IGFBP7: variants seen among roughly 807,000 people sequenced by gnomAD.
The protein encoded by IGFBP7 is insulin-like growth factor-binding protein 7.
In IGFBP7, 31 loss-of-function variants were observed where a neutral mutation model predicts 29.4. That is an observed-to-expected ratio of 1.05 (90% CI 0.79 to 1.42). The LOEUF (loss-of-function observed/expected upper bound fraction) is 1.42, where lower values mean the gene tolerates loss of function less well. Among genes scored for constraint, IGFBP7 ranks in the 40% most tolerant of loss-of-function variants. The pLI is 0.00. For missense variants in IGFBP7, 393 were observed against 395.5 expected (o/e 0.99, Z 0.05); for synonymous variants, 172 against 174.9 (o/e 0.98, Z 0.13).
chr4:57,100,075 T>TTC lies in IGFBP7; in HGVS notation c.475+9801_475+9802insGA, dbSNP rs1288057753. ...TTATTTCTTTTTCTTTTCTTTCTTT[T>TTC]TTTTTTTTTTTTTGAGACAGCGTCT... On this transcript the variant is annotated intron_variant, in intron 1 of 4. Coordinates refer to ENST00000295666, the MANE Select transcript of IGFBP7 (RefSeq NM_001553.3). 3.6e-5 allele frequency among the ~76,000 whole-genome samples: 5 copies of TTC among 139,496 alleles called. No individual in the cohort carries two copies. In the East Asian group the frequency reaches 8.3e-4, roughly 23 times the overall value. 91.5% of individuals were successfully genotyped at this position (139,496 alleles called of 152,430 possible). A position where few individuals can be genotyped will look rare whatever the true frequency, so the allele number is the denominator to read the frequency against.
chr4:57,103,884 C>T (rs527880233), intron 1 of IGFBP7, among the ~76,000 whole-genome samples: 3 of 151,820 alleles, frequency 2.0e-5, no homozygotes, highest in South Asian at 2.1e-4. Context: ...TGGCAATTTT[C>T]AGGTATATAA....
intron 1 of IGFBP7, among the ~76,000 whole-genome samples, chr4:57,109,164 G>C (rs1726107373): frequency 6.6e-6 from 1 of 152,094 alleles, no homozygotes; most frequent in Non-Finnish European, 1.5e-5. Flanking sequence ...GGCTGTGCAC[G>C]GTGGTTTATG....
intron 1 of IGFBP7, among the ~76,000 whole-genome samples, chr4:57,041,265 T>C (rs770623263): frequency 6.6e-6 from 1 of 152,228 alleles, no homozygotes; most frequent in South Asian, 2.1e-4. Context: ...AAAATTTTAG[T>C]TCCAAAATGT....
chr4:57,034,291 T>C (rs1300411256), intron 2 of IGFBP7, among the ~76,000 whole-genome samples: 1 of 152,052 alleles, frequency 6.6e-6, no homozygotes, highest in African/African-American at 2.4e-5. Context: ...CCTCGATACA[T>C]ATACATTTAG....
chr4:57,044,350 T>C (rs1015045949), intron 1 of IGFBP7, among the ~76,000 whole-genome samples: 10 of 152,346 alleles, frequency 6.6e-5, no homozygotes, highest in African/African-American at 2.4e-4. Context: ...CAGATGTTCT[T>C]AGTTTTAGTA....
At chr4:57,100,691 T>C (rs898174995) in intron 1 of IGFBP7, among the ~76,000 whole-genome samples, 1 of 152,218 alleles carries the variant, frequency 6.6e-6, no homozygotes, top group Non-Finnish European at 1.5e-5. Context: ...CCTAAAACTT[T>C]TTCACACCCA....
At chr4:57,099,688 A>G (rs2109802833) in intron 1 of IGFBP7, among the ~76,000 whole-genome samples, 1 of 152,322 alleles carries the variant, frequency 6.6e-6, no homozygotes, top group East Asian at 1.9e-4. Context: ...ACACTCGCTG[A>G]TCCTTCAAGA....
At chr4:57,076,972 G>T (rs1347933261) in intron 1 of IGFBP7, among the ~76,000 whole-genome samples, 1 of 152,086 alleles carries the variant, frequency 6.6e-6, no homozygotes, top group East Asian at 1.9e-4. Context: ...TCAAATGATG[G>T]CTTGATTCCA....
intron 1 of IGFBP7, among the ~76,000 whole-genome samples, chr4:57,070,642 A>G (rs1725031931): frequency 4.6e-5 from 7 of 152,220 alleles, no homozygotes; most frequent in Admixed American, 3.9e-4. Flanking sequence ...AAGGCTCTCA[A>G]TCTCTTACTG....
intron 1 of IGFBP7, among the ~76,000 whole-genome samples, chr4:57,092,970 C>T (rs1384097546): frequency 6.6e-6 from 1 of 151,840 alleles, no homozygotes. Flanking sequence ...GATATAAATA[C>T]ATATGGTTAG....
At chr4:57,045,442 C>T (rs1045876780) in intron 1 of IGFBP7, among the ~76,000 whole-genome samples, 4 of 152,200 alleles carry the variant, frequency 2.6e-5, no homozygotes, top group African/African-American at 4.8e-5. Flanking sequence ...AATAAGGCTA[C>T]AGAACGGCCT....
chr4:57,069,324 C>T (rs1010908407), intron 1 of IGFBP7, among the ~76,000 whole-genome samples: 3 of 152,148 alleles, frequency 2.0e-5, no homozygotes, highest in Non-Finnish European at 2.9e-5. Flanking sequence ...GGTGATGGCT[C>T]ATGCCTATAA....
At chr4:57,038,317 G>A (rs1248172815) in intron 2 of IGFBP7, among the ~76,000 whole-genome samples, 1 of 152,226 alleles carries the variant, frequency 6.6e-6, no homozygotes, top group Non-Finnish European at 1.5e-5. Flanking sequence ...TGTGAGTGGA[G>A]TTGATATCTC....
At chr4:57,068,363 A>C (rs1000238591) in intron 1 of IGFBP7, among the ~76,000 whole-genome samples, 1 of 152,116 alleles carries the variant, frequency 6.6e-6, no homozygotes, top group Non-Finnish European at 1.5e-5. Flanking sequence ...AAGGACTGAC[A>C]TCATCAGTTT....
intron 2 of IGFBP7, among the ~76,000 whole-genome samples, chr4:57,040,049 A>AT (rs1320526694): frequency 6.6e-6 from 1 of 151,924 alleles, no homozygotes; most frequent in Admixed American, 6.6e-5. Context: ...GAAAGGAGAC[A>AT]TTTTTTTCTT....
intron 1 of IGFBP7, among the ~76,000 whole-genome samples, chr4:57,088,308 T>C (rs370061825): frequency 6.6e-6 from 1 of 152,168 alleles, no homozygotes; most frequent in African/African-American, 2.4e-5. Context: ...TATTGCTGTA[T>C]CTGAAAAGCA....
At chr4:57,091,297 C>A (rs960145234) in intron 1 of IGFBP7, among the ~76,000 whole-genome samples, 1 of 152,178 alleles carries the variant, frequency 6.6e-6, no homozygotes, top group Non-Finnish European at 1.5e-5. Flanking sequence ...AATGGAAGAA[C>A]CATGAATGAA....
chr4:57,031,205 A>G lies in IGFBP7; in HGVS notation c.*112T>C, dbSNP rs946347369. 1.1e-6 allele frequency: 1 copy of G among 916,964 alleles called. No individual in the cohort carries two copies. The highest frequency in any genetic ancestry group is 1.8e-6 in the Non-Finnish European group (1 of 564,618). 56.8% of individuals were successfully genotyped at this position (916,964 alleles called of 1,614,324 possible). On this transcript the variant is annotated 3_prime_UTR_variant, in exon 5 of 5. Coordinates refer to ENST00000295666, the MANE Select transcript of IGFBP7 (RefSeq NM_001553.3). ...GTATTTCTCTGTGTAAAACCAGTGA[A>G]TATAACTAAAGTGTTAGTGGATTGG...
intron 1 of IGFBP7, among the ~76,000 whole-genome samples, chr4:57,093,044 A>G (rs1725676826): frequency 6.6e-6 from 1 of 152,188 alleles, no homozygotes; most frequent in Admixed American, 6.5e-5. Context: ...AATATTAACA[A>G]TGACTGTCTT....
Sources: allele counts gnomAD v4.1 joint callset (sites outside exome capture counted in the v4.1 genomes callset), GRCh38; gene constraint gnomAD v4.1.1; transcripts MANE v1.5; gene names NCBI Gene and HGNC (gene_info 2026-07-23, HGNC 2026-07-21).